The following PTPRN2 variants were observed in gnomAD, a reference collection of about 807,000 sequenced individuals.
The protein encoded by PTPRN2 is receptor-type tyrosine-protein phosphatase N2.
Under a neutral mutation model 118.8 loss-of-function variants are expected in PTPRN2, and 74 were observed. The ratio of observed to expected loss-of-function variants is 0.62; its 90% confidence interval spans 0.52 to 0.76. PTPRN2 has a LOEUF of 0.76. Ranked by LOEUF, PTPRN2 falls within the 30% of genes least tolerant of loss-of-function variation. The probability of loss-of-function intolerance (pLI) is 0.00; values close to 1 mark genes in which losing one functional copy is unlikely to be tolerated. For missense variants in PTPRN2, 1,481 were observed against 1,394.4 expected (o/e 1.06, Z -0.99); for synonymous variants, 641 against 608.0 (o/e 1.05, Z -0.80).
rs10582280 is a variant in PTPRN2, at chr7:157,806,532, ATGTG to A, written c.1788+92137_1788+92140del. On this transcript the variant is annotated intron_variant, in intron 12 of 22. Coordinates refer to ENST00000389418, the MANE Select transcript of PTPRN2 (RefSeq NM_002847.5). ...GTGCAATAGATGCATATACGTGTAT[ATGTG>A]TGTATGTATGTATACATAGATGCAT... Among the ~76,000 whole-genome samples the A allele has an allele frequency of 2.2e-3, 333 of 152,290 alleles. 1 individual carries two copies. Among genetic ancestry groups the A allele is most frequent in the African/African-American group, 7.7e-3 (318 of 41,536 alleles).
At chr7:158,252,239 C>A (rs1796733132) in intron 3 of PTPRN2, among the ~76,000 whole-genome samples, 1 of 152,200 alleles carries the variant, frequency 6.6e-6, no homozygotes, top group African/African-American at 2.4e-5. Context: ...GTCCCCATCA[C>A]CTCTGCGGCG....
At chr7:158,240,114 T>G (rs1030099300) in intron 3 of PTPRN2, among the ~76,000 whole-genome samples, 2 of 152,154 alleles carry the variant, frequency 1.3e-5, no homozygotes, top group Non-Finnish European at 2.9e-5. Flanking sequence ...TGTGCATTAT[T>G]TGATGGAACA....
chr7:157,649,883 C>G (rs1439334565), intron 14 of PTPRN2, among the ~76,000 whole-genome samples: 1 of 79,580 alleles, frequency 1.3e-5, no homozygotes, highest in African/African-American at 3.6e-5. Flanking sequence ...GCACTGAACT[C>G]GGTGGGTCGG....
intron 1 of PTPRN2, among the ~76,000 whole-genome samples, chr7:158,559,750 T>G (rs1305841634): frequency 1.3e-5 from 2 of 152,166 alleles, no homozygotes; most frequent in Non-Finnish European, 2.9e-5. Context: ...ACTGGGGTCC[T>G]TGGTCCCAGG....
intron 10 of PTPRN2, among the ~76,000 whole-genome samples, chr7:158,091,739 GGTGA>G (rs1814148623): frequency 6.8e-6 from 1 of 146,868 alleles, no homozygotes; most frequent in South Asian, 2.3e-4. Flanking sequence ...TGGGTGGGTG[GGTGA>G]AAGATAGGTG....
chr7:158,268,207 G>A (rs1274741809), intron 3 of PTPRN2, among the ~76,000 whole-genome samples: 2 of 152,200 alleles, frequency 1.3e-5, no homozygotes, highest in Admixed American at 1.3e-4. Flanking sequence ...CAGAGCCGCG[G>A]CCGCACGCAC....
chr7:157,614,090 A>G (rs1485993036), intron 15 of PTPRN2: 10 of 470,392 alleles, frequency 2.1e-5, no homozygotes, highest in Non-Finnish European at 4.4e-5. Flanking sequence ...AACACAGGGA[A>G]CCATGAAAGA....
chr7:157,664,876 C>T (rs571348423), intron 13 of PTPRN2, among the ~76,000 whole-genome samples: 2 of 152,374 alleles, frequency 1.3e-5, no homozygotes, highest in South Asian at 4.1e-4. Flanking sequence ...TGGAGGCCAG[C>T]CCCATCATGT....
intron 2 of PTPRN2, among the ~76,000 whole-genome samples, chr7:158,374,540 T>C (rs865941255): frequency 6.6e-6 from 1 of 152,146 alleles, no homozygotes; most frequent in Non-Finnish European, 1.5e-5. Context: ...ACTTTATTCA[T>C]AGGCGCCAAA....
chr7:157,798,245 C>T (rs974524088), intron 12 of PTPRN2, among the ~76,000 whole-genome samples: 2 of 151,982 alleles, frequency 1.3e-5, no homozygotes, highest in African/African-American at 2.4e-5. Context: ...GGTGACAGAG[C>T]GAGACTCAGT....
intron 13 of PTPRN2, among the ~76,000 whole-genome samples, chr7:157,662,606 C>T (rs1056881793): frequency 1.3e-5 from 2 of 152,168 alleles, no homozygotes; most frequent in Non-Finnish European, 2.9e-5. Flanking sequence ...GGCTAGGCCG[C>T]AATGGCACCT....
At chr7:157,569,726 G>C (rs1262112068) in intron 20 of PTPRN2, among the ~76,000 whole-genome samples, 9 of 152,204 alleles carry the variant, frequency 5.9e-5, no homozygotes, top group Admixed American at 2.6e-4. Flanking sequence ...GCCATTTCCT[G>C]CCCCCGTGCA....
Position 157,621,215 on chromosome 7 carries a change from C to CTGGGGCTGGTACACACAGGTCAGCA in PTPRN2, c.2344+146_2344+147insTGCTGACCTGTGTGTACCAGCCCCA, listed in dbSNP as rs1434118857. ...TGCCTGTAACCCAGGCCTCCCGTCC[C>CTGGGGCTGGTACACACAGGTCAGCA]CGGGGCTGGTACACACAGGTCAGCA... On this transcript the variant is annotated intron_variant, in intron 15 of 22. Coordinates refer to ENST00000389418, the MANE Select transcript of PTPRN2 (RefSeq NM_002847.5). 3.1e-3 allele frequency: 4,191 copies of CTGGGGCTGGTACACACAGGTCAGCA among 1,355,688 alleles called. 109 individuals are homozygous for CTGGGGCTGGTACACACAGGTCAGCA. The highest frequency in any genetic ancestry group is 3.7e-3 in the Non-Finnish European group (3,743 of 1,004,404). The allele number at this position is 1,355,688 out of a possible 1,614,324, so 84.0% of individuals were successfully genotyped here. A position where few individuals can be genotyped will look rare whatever the true frequency, so the allele number is the denominator to read the frequency against.
intron 3 of PTPRN2, among the ~76,000 whole-genome samples, chr7:158,292,518 G>A (rs117951350): frequency 0.021 from 3,126 of 152,334 alleles, 40 homozygotes; most frequent in Non-Finnish European, 0.031. Context: ...CAGTTGCATT[G>A]CTTAATGGTA....
intron 21 of PTPRN2, among the ~76,000 whole-genome samples, chr7:157,553,427 C>T (rs1052578996): frequency 6.6e-6 from 1 of 152,198 alleles, no homozygotes; most frequent in East Asian, 1.9e-4. Flanking sequence ...CCTCCGCGTG[C>T]ACTGATCTCT....
At chr7:158,456,017 A>T (rs1818454619) in intron 2 of PTPRN2, among the ~76,000 whole-genome samples, 1 of 150,504 alleles carries the variant, frequency 6.6e-6, no homozygotes, top group Non-Finnish European at 1.5e-5. Flanking sequence ...ACATAACAGC[A>T]TGGACGCCAT....
At chr7:157,549,406 T>C (rs1309041679) in intron 21 of PTPRN2, among the ~76,000 whole-genome samples, 4 of 152,162 alleles carry the variant, frequency 2.6e-5, no homozygotes, top group African/African-American at 9.6e-5. Context: ...TTGCATAGGA[T>C]TACTTTTTTA....
At chr7:158,332,282 G>T (rs1210776281) in intron 2 of PTPRN2, among the ~76,000 whole-genome samples, 1 of 145,220 alleles carries the variant, frequency 6.9e-6, no homozygotes, top group African/African-American at 2.8e-5. Context: ...CACGATAAGA[G>T]GTGACATCTG....
At chr7:157,824,551 G>C (rs112805471) in intron 12 of PTPRN2, among the ~76,000 whole-genome samples, 3 of 152,168 alleles carry the variant, frequency 2.0e-5, no homozygotes, top group African/African-American at 7.2e-5. Context: ...ACAGGCCCCC[G>C]GAAGAACTCG....
Sources: gnomAD v4.1 joint callset for allele counts (sites outside exome capture counted in the v4.1 genomes callset) on GRCh38, gnomAD v4.1.1 for gene constraint, MANE v1.5 for transcripts, NCBI Gene and HGNC (gene_info 2026-07-23, HGNC 2026-07-21) for gene names.